DCUN1D4: variants seen among roughly 807,000 people sequenced by gnomAD.
DCUN1D4 encodes the protein DCN1-like protein 4.
DCUN1D4 carries 22 observed loss-of-function variants against 47.9 expected under a neutral mutation model. The observed-to-expected ratio is 0.46, with a 90% confidence interval of 0.33 to 0.66. The LOEUF is 0.66. Ranked by LOEUF, DCUN1D4 falls within the 30% of genes least tolerant of loss-of-function variation. The pLI is 0.02. For missense variants in DCUN1D4, 301 were observed against 340.8 expected (o/e 0.88, Z 0.92); for synonymous variants, 121 against 112.2 (o/e 1.08, Z -0.50).
intron 9 of DCUN1D4, among the ~76,000 whole-genome samples, chr4:51,912,175 A>T (rs1474867117): frequency 6.6e-6 from 1 of 152,210 alleles, no homozygotes; most frequent in Non-Finnish European, 1.5e-5. Flanking sequence ...TTTCTCTGAC[A>T]ATCCCTTGAG....
At chr4:51,840,404 C>T (rs937177450), upstream of DCUN1D4, among the ~76,000 whole-genome samples, 8 of 152,128 alleles carry the variant, frequency 5.3e-5, no homozygotes, top group Non-Finnish European at 1.0e-4. Flanking sequence ...GAGTAGTTTA[C>T]CTATCTTTGG....
At chr4:51,911,349 T>C (rs1368866549) in intron 9 of DCUN1D4, among the ~76,000 whole-genome samples, 175 bp downstream of exon 9, 1 of 152,212 alleles carries the variant, frequency 6.6e-6, no homozygotes, top group Non-Finnish European at 1.5e-5. Context: ...TGCATCTGTG[T>C]ATGCGTTTAA....
chr4:51,876,341 C>T (rs1477887902), intron 4 of DCUN1D4, among the ~76,000 whole-genome samples: 20 of 147,544 alleles, frequency 1.4e-4, no homozygotes, highest in South Asian at 2.2e-4. Context: ...ACCGCATGTT[C>T]TCACTCATAG....
In DCUN1D4 at chr4:51,899,097, C is replaced by A. The variant is rs116743349; in HGVS notation, c.507-173C>A. Among the ~76,000 whole-genome samples the A allele has an allele frequency of 9.2e-3, 1,393 of 152,194 alleles. 15 individuals carry two copies. The highest frequency in any genetic ancestry group is 0.032 in the African/African-American group (1,336 of 41,526). Reference sequence around the variant, plus strand: ...TATGAGTGGTTATTTGCTATTCTTTCAACTTTTCTGTACATTTAAAATTTT... The same window carrying A: ...TATGAGTGGTTATTTGCTATTCTTTAAACTTTTCTGTACATTTAAAATTTT... On this transcript the variant is annotated intron_variant, in intron 7 of 10. Coordinates refer to ENST00000334635, the MANE Select transcript of DCUN1D4 (RefSeq NM_001040402.3).
intron 7 of DCUN1D4, among the ~76,000 whole-genome samples, chr4:51,898,968 T>A (rs996262541): frequency 6.6e-6 from 1 of 152,192 alleles, no homozygotes; most frequent in African/African-American, 2.4e-5. Flanking sequence ...GGGATGAAGT[T>A]TCATTATGTT....
intron 1 of DCUN1D4, 199 bp downstream of exon 1, chr4:51,843,466 A>T: frequency 2.0e-6 from 2 of 1,019,472 alleles, no homozygotes; most frequent in Non-Finnish European, 2.6e-6. Context: ...GCGTGGGGGG[A>T]AGGGACCGGC....
chr4:51,894,894 A>G (rs915922636), intron 7 of DCUN1D4, among the ~76,000 whole-genome samples: 5 of 152,082 alleles, frequency 3.3e-5, no homozygotes, highest in African/African-American at 1.2e-4. Context: ...AATTCCAGAG[A>G]ATTTTATTTC....
In DCUN1D4 at chr4:51,843,169, GCA is replaced by G; in HGVS notation, c.-73_-72del. The stretch of plus-strand genomic sequence containing the variant: ...CGGGTCCTCAGCTTCGAGCCGAGGT[GCA>G]GTGAGCTGGTGGGGGGACCGCGAGG... On this transcript the variant is annotated 5_prime_UTR_variant, in exon 1 of 11. Coordinates refer to ENST00000334635, the MANE Select transcript of DCUN1D4 (RefSeq NM_001040402.3). The G allele has an allele frequency of 6.5e-7, 1 of 1,530,268 alleles. No homozygotes were observed. 94.8% of individuals were successfully genotyped at this position (1,530,268 alleles called of 1,614,324 possible).
At chr4:51,846,662 C>T (rs1196642948) in intron 1 of DCUN1D4, among the ~76,000 whole-genome samples, 1 of 152,288 alleles carries the variant, frequency 6.6e-6, no homozygotes, top group East Asian at 1.9e-4. Context: ...ATGATGATCT[C>T]TTGTATCAGT....
chr4:51,911,474 C>G (rs1432642753), intron 9 of DCUN1D4, among the ~76,000 whole-genome samples: 2 of 152,064 alleles, frequency 1.3e-5, no homozygotes, highest in Non-Finnish European at 2.9e-5. Flanking sequence ...ATTTTCTGTT[C>G]TTTGTAACAA....
At chr4:51,873,830 T>C (rs769371791) in intron 3 of DCUN1D4, among the ~76,000 whole-genome samples, 7 of 152,196 alleles carry the variant, frequency 4.6e-5, no homozygotes, top group East Asian at 1.9e-4. Context: ...CAGATATCTC[T>C]TGAAGCTTAA....
intron 6 of DCUN1D4, 146 bp from the exon 7 acceptor site, chr4:51,891,614 G>GT: frequency 1.6e-6 from 1 of 610,758 alleles, no homozygotes; most frequent in East Asian, 3.1e-5. Flanking sequence ...CATTTTTGAA[G>GT]TTAACTCTGC....
At chr4:51,901,748 A>T (rs1311439580) in intron 8 of DCUN1D4, among the ~76,000 whole-genome samples, 2 of 152,158 alleles carry the variant, frequency 1.3e-5, no homozygotes, top group Non-Finnish European at 2.9e-5. Flanking sequence ...TTCCTGGCAG[A>T]TTGAGGGACT....
intron 3 of DCUN1D4, among the ~76,000 whole-genome samples, chr4:51,870,529 A>T (rs1245046575): frequency 6.6e-6 from 1 of 150,864 alleles, no homozygotes; most frequent in African/African-American, 2.4e-5. Flanking sequence ...GAAGAATCTG[A>T]TTTATACATG....
chr4:51,874,492 T>C (rs1727383106), intron 4 of DCUN1D4, 107 bp downstream of exon 4: 1 of 655,448 alleles, frequency 1.5e-6, no homozygotes, highest in Non-Finnish European at 2.4e-6. Context: ...CCAAGTGGAA[T>C]GGGCTTTGCC....
intron 8 of DCUN1D4, among the ~76,000 whole-genome samples, chr4:51,903,905 C>G (rs998585061): frequency 6.6e-6 from 1 of 152,052 alleles, no homozygotes; most frequent in African/African-American, 2.4e-5. Flanking sequence ...ATTTCTAGAA[C>G]ATGTTTATAG....
At chr4:51,911,574 C>G (rs1023835365) in intron 9 of DCUN1D4, among the ~76,000 whole-genome samples, 1 of 152,162 alleles carries the variant, frequency 6.6e-6, no homozygotes, top group Admixed American at 6.5e-5. Context: ...TGCCTTCTTA[C>G]CAAAATTAGT....
intron 1 of DCUN1D4, among the ~76,000 whole-genome samples, chr4:51,856,294 G>T (rs1344320421): frequency 3.3e-5 from 5 of 152,132 alleles, no homozygotes; most frequent in Non-Finnish European, 7.4e-5. Context: ...TGAGAGAATT[G>T]TTCAGCTGTA....
At chr4:51,840,058 A>G (rs1721593390), upstream of DCUN1D4, among the ~76,000 whole-genome samples, 1 of 152,224 alleles carries the variant, frequency 6.6e-6, no homozygotes, top group Non-Finnish European at 1.5e-5. Flanking sequence ...AACTTGCTTC[A>G]ATATTACCTT....
Sources: allele counts gnomAD v4.1 joint callset (sites outside exome capture counted in the v4.1 genomes callset), GRCh38; gene constraint gnomAD v4.1.1; transcripts MANE v1.5; gene names NCBI Gene and HGNC (gene_info 2026-07-23, HGNC 2026-07-21).